The following SUGCT variants were observed in gnomAD, a reference collection of about 807,000 sequenced individuals.
The protein encoded by SUGCT is succinyl-CoA:glutarate CoA-transferase.
In SUGCT, 41 loss-of-function variants were observed where a neutral mutation model predicts 55.0. The observed-to-expected ratio is 0.74, with a 90% confidence interval of 0.58 to 0.97. The LOEUF (loss-of-function observed/expected upper bound fraction) is 0.97, where lower values mean the gene tolerates loss of function less well. Ranked by LOEUF, SUGCT falls within the 50% of genes least tolerant of loss-of-function variation. The pLI is 0.00. For synonymous variants in SUGCT, 187 were observed against 200.4 expected (o/e 0.93, Z 0.56); for missense variants, 568 against 547.8 (o/e 1.04, Z -0.37).
At chr7:40,246,760 C>A (rs1267462353) in intron 7 of SUGCT, among the ~76,000 whole-genome samples, 1 of 151,796 alleles carries the variant, frequency 6.6e-6, no homozygotes, top group East Asian at 2.0e-4. Flanking sequence ...CCATGCCTGG[C>A]TATTTTTTTT....
At chr7:40,446,431 G>T (rs1183932204) in intron 9 of SUGCT, among the ~76,000 whole-genome samples, 2 of 152,038 alleles carry the variant, frequency 1.3e-5, no homozygotes, top group African/African-American at 2.4e-5. Flanking sequence ...AAAATCTTTT[G>T]TACCTCACCT....
At chr7:40,854,432 C>CTTTCTT (rs1293377070) in intron 13 of SUGCT, among the ~76,000 whole-genome samples, 10 of 137,744 alleles carry the variant, frequency 7.3e-5, no homozygotes, top group African/African-American at 2.9e-4. Context: ...TTCTTTCTTT[C>CTTTCTT]TTTCTTTCTT....
At chr7:40,915,151 G>T in the SUGCT span, among the ~76,000 whole-genome samples, 1 of 152,126 alleles carries the variant, frequency 6.6e-6, no homozygotes, top group African/African-American at 2.4e-5. Flanking sequence ...CATTCTTAAG[G>T]TGCGGCTGGT....
chr7:40,974,098 C>G, the SUGCT span, among the ~76,000 whole-genome samples: 4 of 152,162 alleles, frequency 2.6e-5, no homozygotes, highest in Non-Finnish European at 4.4e-5. Flanking sequence ...TGTCCCCACA[C>G]CAGGGATGAT....
At chr7:40,667,140 A>G (rs930919846) in intron 12 of SUGCT, among the ~76,000 whole-genome samples, 24 of 152,068 alleles carry the variant, frequency 1.6e-4, no homozygotes, top group African/African-American at 5.3e-4. Context: ...TTGGGACAAC[A>G]AAATGAATGA....
chr7:40,258,081 T>A (rs1352157331), intron 7 of SUGCT, among the ~76,000 whole-genome samples: 1 of 152,128 alleles, frequency 6.6e-6, no homozygotes, highest in East Asian at 1.9e-4. Flanking sequence ...TATGCCAACA[T>A]CCACTCCACT....
chr7:40,453,760 C>T (rs1040945218), intron 10 of SUGCT, among the ~76,000 whole-genome samples: 1 of 152,130 alleles, frequency 6.6e-6, no homozygotes, highest in African/African-American at 2.4e-5. Context: ...TCAAAATGTC[C>T]AGGATACAAT....
intron 12 of SUGCT, among the ~76,000 whole-genome samples, chr7:40,527,283 T>A (rs748162175): frequency 6.6e-6 from 1 of 152,222 alleles, no homozygotes; most frequent in Non-Finnish European, 1.5e-5. Context: ...ACACCACTCA[T>A]TACAGGTTGG....
At chr7:40,767,024 TCTAAC>T (rs1289708005) in intron 13 of SUGCT, among the ~76,000 whole-genome samples, 4 of 152,206 alleles carry the variant, frequency 2.6e-5, no homozygotes, top group Non-Finnish European at 5.9e-5. Flanking sequence ...TATCTCCACA[TCTAAC>T]CTAAGAAATG....
rs187345564 is a variant in SUGCT at position 40,690,838 on chromosome 7, A to G, written c.1090-58596A>G. On this transcript the variant is annotated intron_variant, in intron 12 of 13. Transcript: ENST00000335693. ...AGCCATCCACACTCCTCAGCCTCCC[A>G]AAGTGCTGAGATATAGGCAGGAGCC... is the stretch of plus-strand genomic sequence containing the variant. Among the ~76,000 whole-genome samples, 26 of 152,204 alleles carry G rather than the reference A, an allele frequency of 1.7e-4. No individual in the cohort carries two copies. In the East Asian group the frequency reaches 5.0e-3, roughly 29 times the overall value.
chr7:40,853,297 G>A (rs945967294), intron 13 of SUGCT, among the ~76,000 whole-genome samples: 2 of 151,890 alleles, frequency 1.3e-5, no homozygotes, highest in East Asian at 1.9e-4. Context: ...TTCTTTTATT[G>A]TTAGCAATTA....
At chr7:40,313,623 G>A (rs558252617) in intron 8 of SUGCT, among the ~76,000 whole-genome samples, 36 of 135,386 alleles carry the variant, frequency 2.7e-4, no homozygotes, top group Non-Finnish European at 5.1e-4. Flanking sequence ...TGGTTTTTTT[G>A]TTTGTTTGTT....
chr7:40,434,113 C>T (rs139048499), intron 9 of SUGCT, among the ~76,000 whole-genome samples: 39 of 152,012 alleles, frequency 2.6e-4, no homozygotes, highest in African/African-American at 6.5e-4. Context: ...AGGAATGTTC[C>T]CATTTATTCT....
At chr7:40,537,173 A>G (rs984323501) in intron 12 of SUGCT, among the ~76,000 whole-genome samples, 8 of 152,162 alleles carry the variant, frequency 5.3e-5, no homozygotes, top group African/African-American at 1.9e-4. Context: ...TCTGTACTCC[A>G]GCAGTTTCAT....
At chr7:40,177,007 A>C (rs1784960396) in intron 1 of SUGCT, among the ~76,000 whole-genome samples, 1 of 151,516 alleles carries the variant, frequency 6.6e-6, no homozygotes, top group Non-Finnish European at 1.5e-5. Flanking sequence ...CTACCATTTG[A>C]ACAAATATGC....
chr7:40,284,009 A>G (rs1754506168), intron 8 of SUGCT, among the ~76,000 whole-genome samples: 1 of 152,198 alleles, frequency 6.6e-6, no homozygotes, highest in South Asian at 2.1e-4. Flanking sequence ...AACAAGACAT[A>G]TGAACCTGCA....
In SUGCT at chr7:40,459,158, G is replaced by A; in HGVS notation, c.946G>A (p.Val316Ile). The A allele has an allele frequency of 6.2e-7, 1 of 1,611,270 alleles. No individual in the cohort carries two copies. Among genetic ancestry groups the A allele is most frequent in the South Asian group, 1.1e-5 (1 of 90,976 alleles). ...NSKYKTNHLR[V>I]HNRKELIKIL... ...CAAGTATAAAACTAACCACCTTCGG[G>A]TACACAATAGAAAAGAGCTTATTAA... The change falls in exon 11 of 14, where the codon GTA becomes ATA. Residue 316 changes from valine (V) to isoleucine (I), a missense_variant. Transcript: ENST00000335693.
chr7:40,322,039 C>T (rs1051850019), intron 9 of SUGCT, among the ~76,000 whole-genome samples: 3 of 152,180 alleles, frequency 2.0e-5, no homozygotes, highest in African/African-American at 4.8e-5. Context: ...TACTAATTTA[C>T]ATTCACACCA....
chr7:40,761,222 T>C (rs1278457033), intron 13 of SUGCT, among the ~76,000 whole-genome samples: 1 of 152,200 alleles, frequency 6.6e-6, no homozygotes, highest in Non-Finnish European at 1.5e-5. Flanking sequence ...CACTGCCAGA[T>C]GGACGTGAGG....
Sources: gnomAD v4.1 joint callset for allele counts (sites outside exome capture counted in the v4.1 genomes callset) on GRCh38, gnomAD v4.1.1 for gene constraint, MANE v1.5 for transcripts, NCBI Gene and HGNC (gene_info 2026-07-23, HGNC 2026-07-21) for gene names.